Variants in AKAP8L observed in about 807,000 individuals in gnomAD.
AKAP8L encodes the protein A-kinase anchor protein 8-like.
AKAP8L carries 34 observed loss-of-function variants against 77.5 expected under a neutral mutation model. The ratio of observed to expected loss-of-function variants is 0.44; its 90% CI spans 0.33 to 0.58. AKAP8L has a LOEUF of 0.58. Among genes scored for constraint, AKAP8L ranks in the 20% least tolerant of loss-of-function variants. The pLI is 0.02. For synonymous variants in AKAP8L, 342 were observed against 340.7 expected (o/e 1.00, Z -0.04); for missense variants, 806 against 887.6 (o/e 0.91, Z 1.17).
intron 1 of AKAP8L, among the ~76,000 whole-genome samples, chr19:15,415,582 G>C (rs1968188987): frequency 2.0e-5 from 3 of 151,842 alleles, no homozygotes; most frequent in Admixed American, 6.6e-5. Context: ...TTGAACTCCT[G>C]GGCTCCAGCA....
At position 15,397,903 on chromosome 19, in the gene AKAP8L, G is replaced by A; in HGVS notation, c.1158-48C>T. 1 of 1,595,052 alleles carries A rather than the reference G, an allele frequency of 6.3e-7. No homozygotes were observed. Among genetic ancestry groups the A allele is most frequent in the Non-Finnish European group, 8.5e-7 (1 of 1,171,188 alleles). The stretch of plus-strand genomic sequence containing the variant: ...GGCTGAGGCTGCAAGTGTCCCAGGG[G>A]ATAGTGCTGCCGCCTCACCCAACCC... On this transcript the variant is annotated intron_variant, in intron 9 of 13. Transcript: ENST00000397410. The surrounding 1 kb of genome is among the most constrained non-coding windows in gnomAD (Gnocchi z 4.7).
At chr19:15,384,980 CT>C (rs940796391) in intron 12 of AKAP8L, among the ~76,000 whole-genome samples, 154 of 137,908 alleles carry the variant, frequency 1.1e-3, no homozygotes, top group Admixed American at 1.4e-3. Context: ...ATGCCATTCT[CT>C]TTTTTTTTTT....
At chr19:15,400,917 C>T (rs1252210597) in intron 6 of AKAP8L, 30 bp downstream of exon 6, 2 of 1,613,756 alleles carry the variant, frequency 1.2e-6, no homozygotes, top group Non-Finnish European at 1.7e-6. Context: ...AGGCAGGGGG[C>T]AGCCGCCCAG....
At position 15,397,581 on chromosome 19, in the gene AKAP8L, T is replaced by A. The variant is rs1967802705; in HGVS notation, c.1344A>T (p.Lys448Asn). The change falls in exon 11 of 14, where the codon AAA (lysine) becomes AAT (asparagine). Residue 448 changes from lysine to asparagine, a missense_variant. Lys to Asn is a moderately conservative substitution (Grantham distance 94, BLOSUM62 0). This residue lies in a region of AKAP8L where 580 missense variants were observed against 694.1 expected (regional missense o/e 0.84). Transcript: ENST00000397410. The surrounding 1 kb of genome is among the most constrained non-coding windows in gnomAD (Gnocchi z 4.7). ...TGAGGCCATCAAGGTCCTCCACGGT[T>A]TTTCGGAGCTCCTCTGTCTTCTTGG... ...NKTKKTEELRKTVEDLDGLIQ... is the reference protein window; with the variant it reads ...NKTKKTEELRNTVEDLDGLIQ... 2 of 1,613,870 alleles carry A rather than the reference T, an allele frequency of 1.2e-6. No individual in the cohort carries two copies. The highest frequency in any genetic ancestry group is 4.5e-5 in the East Asian group (2 of 44,874).
chr19:15,411,994 G>A (rs770397902), intron 1 of AKAP8L, among the ~76,000 whole-genome samples: 1 of 152,190 alleles, frequency 6.6e-6, no homozygotes, highest in Non-Finnish European at 1.5e-5. Context: ...TGGATCACGA[G>A]GTTAGGAGTT....
chr19:15,405,005 C>A (rs772673558), intron 2 of AKAP8L, among the ~76,000 whole-genome samples: 1 of 152,230 alleles, frequency 6.6e-6, no homozygotes, highest in Non-Finnish European at 1.5e-5. Context: ...GCTCACAAAA[C>A]AAAAACTCTT....
intron 7 of AKAP8L, 93 bp from the exon 8 acceptor site, chr19:15,400,451 C>T (rs1325525430): frequency 7.8e-7 from 1 of 1,273,954 alleles, no homozygotes; most frequent in Non-Finnish European, 1.1e-6. Flanking sequence ...TATAGTAAAA[C>T]AGCTGCTTGC....
In AKAP8L at chr19:15,415,896, AC is replaced by A. The variant is rs1426462068; in HGVS notation, c.13+3014del. On this transcript the variant is annotated intron_variant, in intron 1 of 13. Transcript: ENST00000397410. ...GCAAGACTCCGTCTCAAAAAAAAAA[AC>A]AAAAAAAAAATCCCAGAGTCTCGCT... Among the ~76,000 whole-genome samples the A allele has an allele frequency of 1.7e-3, 92 of 53,338 alleles. No homozygotes were observed. In the East Asian group the frequency reaches 0.15, roughly 87 times the overall value. The allele number at this position is 53,338 out of a possible 152,430, so 35.0% of individuals were successfully genotyped here.
chr19:15,400,262 C>T (rs374087933), intron 8 of AKAP8L, 33 bp downstream of exon 8: 34 of 1,611,904 alleles, frequency 2.1e-5, no homozygotes, highest in African/African-American at 4.0e-5. Context: ...CTGGAAGAGC[C>T]GCCCTAGCAC....
At chr19:15,405,705 C>T (rs184575804) in intron 2 of AKAP8L, among the ~76,000 whole-genome samples, 14 of 150,612 alleles carry the variant, frequency 9.3e-5, no homozygotes, top group South Asian at 8.5e-4. Flanking sequence ...GGGTGGATTA[C>T]GAGGTCAGGA....
intron 7 of AKAP8L, chr19:15,400,577 C>T: frequency 1.4e-6 from 1 of 714,454 alleles, no homozygotes; most frequent in Non-Finnish European, 2.3e-6. Flanking sequence ...CATCCTCCCA[C>T]TACCTGGTGC....
Position 15,397,179 on chromosome 19 carries a change from T to C in AKAP8L, c.1507A>G (p.Lys503Glu). ...CGGTTCCGGTTGTGATCCATGGTCTTCAGATGCTTCTGGATGATCCCAAAC... is the reference window on the plus strand; with the variant it reads ...CGGTTCCGGTTGTGATCCATGGTCTCCAGATGCTTCTGGATGATCCCAAAC... ...MQFGIIQKHL[K>E]TMDHNRNRRL... The change falls in exon 12 of 14, where the codon AAG becomes GAG. Residue 503 changes from lysine to glutamate, a missense_variant. Physicochemically the swap from Lys to Glu is moderately conservative, Grantham distance 56. Around this residue, in one of 2 missense-constraint regions of AKAP8L, gnomAD observed 580 missense variants for 694.1 expected, o/e 0.84. Coordinates refer to ENST00000397410, the MANE Select transcript of AKAP8L (RefSeq NM_014371.4). The surrounding 1 kb of genome is among the most constrained non-coding windows in gnomAD (Gnocchi z 4.7). 1 of 1,613,978 alleles carries C rather than the reference T, an allele frequency of 6.2e-7. No individual in the cohort carries two copies. Among genetic ancestry groups the C allele is most frequent in the Non-Finnish European group, 8.5e-7 (1 of 1,179,882 alleles).
Position 15,403,490 on chromosome 19 carries a change from C to T in AKAP8L, c.347G>A (p.Gly116Asp), listed in dbSNP as rs937086098. Residue 116 changes from glycine to aspartate, a missense_variant, in exon 4 of 14, where the codon GGC becomes GAC. Gly to Asp is a moderately conservative substitution (Grantham distance 94, BLOSUM62 -1). Around this residue, in one of 2 missense-constraint regions of AKAP8L, gnomAD observed 580 missense variants for 694.1 expected, o/e 0.84. Transcript: ENST00000397410. The surrounding 1 kb of genome is among the most constrained non-coding windows in gnomAD (Gnocchi z 4.3). ...ETDMMQGGVYGSGGERYDSYE... is the reference protein window; with the variant it reads ...ETDMMQGGVYDSGGERYDSYE... Reference sequence around the variant, plus strand: ...GTCCACTCACCTTTCTCCACCTGAGCCGTACACGCCTCCTTGCATCATGTC... The same window carrying T: ...GTCCACTCACCTTTCTCCACCTGAGTCGTACACGCCTCCTTGCATCATGTC... 1.2e-6 allele frequency: 2 copies of T among 1,613,956 alleles called. No individual in the cohort carries two copies. Among genetic ancestry groups the T allele is most frequent in the African/African-American group, 1.3e-5 (1 of 75,046 alleles).
At chr19:15,386,899 T>A (rs548350743) in intron 12 of AKAP8L, among the ~76,000 whole-genome samples, 8 of 152,320 alleles carry the variant, frequency 5.3e-5, no homozygotes. Flanking sequence ...CCTCAGGTGA[T>A]CTGCCCACCT....
chr19:15,398,119 G>A lies in AKAP8L; in HGVS notation c.1158-264C>T, dbSNP rs1310621293. On this transcript the variant is annotated intron_variant, in intron 9 of 13. Transcript: ENST00000397410. The surrounding 1 kb of genome is among the most constrained non-coding windows in gnomAD (Gnocchi z 9.2). ...CAGGAGGCTGAAGCCTGAGACAGCA[G>A]CTGCTGCAACAGGCAACGAGTCGCT... is the stretch of plus-strand genomic sequence containing the variant. 2 of 498,822 alleles carry A rather than the reference G, an allele frequency of 4.0e-6. No homozygotes were observed. The highest frequency in any genetic ancestry group is 7.3e-6 in the Non-Finnish European group (2 of 275,504). 30.9% of individuals were successfully genotyped at this position (498,822 alleles called of 1,614,324 possible).
intron 1 of AKAP8L, chr19:15,417,546 T>C (rs1051309551): frequency 2.0e-5 from 3 of 152,110 alleles, no homozygotes; most frequent in Admixed American, 1.3e-4. Context: ...TTGCCAGATG[T>C]CATCTGGGGC....
chr19:15,387,218 T>TAA (rs1967557647), intron 12 of AKAP8L, among the ~76,000 whole-genome samples: 1 of 152,184 alleles, frequency 6.6e-6, no homozygotes, highest in African/African-American at 2.4e-5. Context: ...ATGTCTCTCC[T>TAA]AAAGTGGCAG....
chr19:15,395,105 C>T (rs2145123287), intron 12 of AKAP8L, among the ~76,000 whole-genome samples: 2 of 152,168 alleles, frequency 1.3e-5, no homozygotes, highest in African/African-American at 4.8e-5. Flanking sequence ...TCTTGGCTTA[C>T]TGCAAGCTCT....
At chr19:15,408,141 A>G (rs932492948) in intron 2 of AKAP8L, among the ~76,000 whole-genome samples, 3 of 152,104 alleles carry the variant, frequency 2.0e-5, no homozygotes, top group African/African-American at 7.2e-5. Context: ...TAAAAATACA[A>G]AAAGACCGTG....
Sources: allele counts gnomAD v4.1 joint callset (sites outside exome capture counted in the v4.1 genomes callset), GRCh38; gene constraint gnomAD v4.1.1; regional missense constraint gnomAD v4.1.1; non-coding constraint Gnocchi (gnomAD v3.1); transcripts MANE v1.5; gene names NCBI Gene and HGNC (gene_info 2026-07-23, HGNC 2026-07-21).